DPP4: variants seen among roughly 807,000 people sequenced by gnomAD.
DPP4 encodes the protein ADCP-2.
A neutral mutation model predicts 122.4 loss-of-function variants in DPP4; 93 were observed. That is an observed-to-expected ratio of 0.76 (90% CI 0.64 to 0.90). The LOEUF (loss-of-function observed/expected upper bound fraction) is 0.90. Among genes scored for constraint, DPP4 ranks in the 40% least tolerant of loss-of-function variants. The pLI is 0.00. For synonymous variants in DPP4, 321 were observed against 302.9 expected (o/e 1.06, Z -0.62); for missense variants, 914 against 907.3 (o/e 1.01, Z -0.09).
At chr2:162,064,577 T>C (rs1684889746) in intron 2 of DPP4, among the ~76,000 whole-genome samples, 2 of 152,236 alleles carry the variant, frequency 1.3e-5, no homozygotes, top group South Asian at 4.1e-4. Flanking sequence ...CATCTTATTT[T>C]ATGTTGACTA....
At chr2:162,053,958 G>A (rs1684473918) in intron 2 of DPP4, among the ~76,000 whole-genome samples, 1 of 152,160 alleles carries the variant, frequency 6.6e-6, no homozygotes, top group Non-Finnish European at 1.5e-5. Context: ...ATGTCAGCCG[G>A]GAGAGTCACA....
At chr2:162,061,811 C>A (rs1038266969) in intron 2 of DPP4, among the ~76,000 whole-genome samples, 2 of 152,188 alleles carry the variant, frequency 1.3e-5, no homozygotes, top group Non-Finnish European at 2.9e-5. Context: ...GCATGAAAAA[C>A]TCCTGCCCTT....
rs541769698 is a variant in DPP4, at chr2:162,038,440, A to T, written c.493-18T>A. 8.8e-6 allele frequency: 14 copies of T among 1,590,248 alleles called. No individual in the cohort carries two copies. The Admixed American group carries it at 2.2e-4, about 25-fold the overall frequency. ...ACATATGCCTAGAAGGAAAAAAAACAAGCATTGATATCTATAATACATGTC... is the reference window on the plus strand; with the variant it reads ...ACATATGCCTAGAAGGAAAAAAAACTAGCATTGATATCTATAATACATGTC... On this transcript the variant is annotated intron_variant, in intron 7 of 25. Transcript: ENST00000360534.
At chr2:162,059,808 C>T (rs1255739914) in intron 2 of DPP4, among the ~76,000 whole-genome samples, 5 of 152,074 alleles carry the variant, frequency 3.3e-5, no homozygotes, top group Admixed American at 6.6e-5. Context: ...CAGTATGGGG[C>T]AAAAATTACT....
chr2:162,073,221 C>G, intron 2 of DPP4, 178 bp downstream of exon 2: 1 of 591,248 alleles, frequency 1.7e-6, no homozygotes, highest in Non-Finnish European at 3.0e-6. Context: ...CTGAAGACCC[C>G]GCGAAGTGAA....
Position 162,018,744 on chromosome 2 carries a change from GATA to G in DPP4, c.1402_1404del (p.Tyr468del). ...TCAGACTTACCGGAACATCTCAGCT[GATA>G]ATACTTCGCCTCTTTACTGAATGAC... is the stretch of plus-strand genomic sequence containing the variant. On this transcript the variant is annotated inframe_deletion, in exon 16 of 26. Transcript: ENST00000360534. The G allele has an allele frequency of 6.2e-7, 1 of 1,614,046 alleles. No homozygotes were observed. Among genetic ancestry groups the G allele is most frequent in the Non-Finnish European group, 8.5e-7 (1 of 1,180,014 alleles).
intron 18 of DPP4, among the ~76,000 whole-genome samples, chr2:162,014,801 A>G (rs1419025316): frequency 6.6e-6 from 1 of 152,170 alleles, no homozygotes; most frequent in Non-Finnish European, 1.5e-5. Flanking sequence ...TAGTTTGTTT[A>G]TGGCTTATGT....
intron 23 of DPP4, 127 bp from the exon 24 acceptor site, chr2:161,995,499 T>G (rs1700978910): frequency 7.9e-6 from 6 of 759,716 alleles, no homozygotes; most frequent in Non-Finnish European, 1.3e-5. Flanking sequence ...AGCAAACCGA[T>G]ATTCAAGCAA....
chr2:162,008,459 T>A, intron 22 of DPP4, 103 bp downstream of exon 22: 1 of 924,024 alleles, frequency 1.1e-6, no homozygotes, highest in South Asian at 1.4e-5. Context: ...AATCAGCCTA[T>A]TATTCGCTGT....
chr2:162,035,422 G>C (rs766729024), intron 8 of DPP4, 98 bp from the exon 9 acceptor site: 1 of 1,102,294 alleles, frequency 9.1e-7, no homozygotes, highest in Non-Finnish European at 1.3e-6. Context: ...AATTACAGTA[G>C]AGTTCAACTA....
At chr2:162,051,579 T>TGGTAATCAGCTAA (rs1356162564) in intron 2 of DPP4, among the ~76,000 whole-genome samples, 1 of 152,238 alleles carries the variant, frequency 6.6e-6, no homozygotes, top group African/African-American at 2.4e-5. Context: ...GTGTTCCATA[T>TGGTAATCAGCTAA]GGTAATCAGC....
At chr2:162,018,659 G>T in intron 16 of DPP4, 70 bp downstream of exon 16, 1 of 1,561,806 alleles carries the variant, frequency 6.4e-7, no homozygotes, top group Non-Finnish European at 8.6e-7. Context: ...GATTCAAAAG[G>T]AATAGAGGGA....
chr2:162,073,950 G>A (rs200957341), intron 1 of DPP4, 26 bp downstream of exon 1: 50 of 1,611,520 alleles, frequency 3.1e-5, no homozygotes, highest in South Asian at 7.7e-5. Flanking sequence ...AGCTCGCCCC[G>A]GGGACGTACG....
At chr2:162,072,489 T>C (rs913715934) in intron 2 of DPP4, among the ~76,000 whole-genome samples, 73 of 152,216 alleles carry the variant, frequency 4.8e-4, no homozygotes, top group African/African-American at 1.7e-3. Flanking sequence ...TTCTGAACTG[T>C]CATCCTAAAA....
intron 2 of DPP4, among the ~76,000 whole-genome samples, chr2:162,060,066 T>C (rs1159389936): frequency 6.6e-6 from 1 of 152,172 alleles, no homozygotes; most frequent in African/African-American, 2.4e-5. Flanking sequence ...AAGCCACATT[T>C]GGACCAGGCA....
intron 10 of DPP4, among the ~76,000 whole-genome samples, chr2:162,029,567 G>C (rs1197742782): frequency 1.3e-5 from 2 of 152,248 alleles, no homozygotes; most frequent in Non-Finnish European, 2.9e-5. Context: ...GATGTCACTA[G>C]CTTCCAGTTT....
chr2:162,073,884 G>A lies in DPP4; in HGVS notation c.6+92C>T, dbSNP rs1576080365. The A allele has an allele frequency of 2.6e-6, 4 of 1,549,928 alleles. No homozygotes were observed. The East Asian group carries it at 9.1e-5, about 35-fold the overall frequency. The stretch of plus-strand genomic sequence containing the variant: ...GGGCTTCCGCCTAAGGGGAGTCCCT[G>A]GTCCGGTTTCGCCAGCTTTTGGGCC... On this transcript the variant is annotated intron_variant, in intron 1 of 25. Transcript: ENST00000360534.
intron 2 of DPP4, among the ~76,000 whole-genome samples, chr2:162,067,468 G>A (rs112745262): frequency 5.3e-5 from 8 of 152,198 alleles, no homozygotes; most frequent in African/African-American, 1.7e-4. Flanking sequence ...TAGTGGCTTT[G>A]GCTCTGCCTT....
At chr2:162,058,438 AC>A (rs2106149643) in intron 2 of DPP4, among the ~76,000 whole-genome samples, 1 of 152,306 alleles carries the variant, frequency 6.6e-6, no homozygotes, top group African/African-American at 2.4e-5. Flanking sequence ...AAATGTTGCA[AC>A]CCTGTTAACT....
Sources: allele counts gnomAD v4.1 joint callset (sites outside exome capture counted in the v4.1 genomes callset), GRCh38; gene constraint gnomAD v4.1.1; transcripts MANE v1.5; gene names NCBI Gene and HGNC (gene_info 2026-07-23, HGNC 2026-07-21).